Variants in EYS observed in about 807,000 individuals in gnomAD.
The protein encoded by EYS is protein eyes shut homolog.
In EYS, 250 loss-of-function variants were observed where a neutral mutation model predicts 282.1. The observed-to-expected ratio is 0.89, with a 90% CI of 0.80 to 0.98. The LOEUF (loss-of-function observed/expected upper bound fraction) is 0.98. Ranked by LOEUF, EYS falls within the 50% of genes least tolerant of loss-of-function variation. The pLI is 0.00. For synonymous variants in EYS, 1,355 were observed against 1,282.9 expected (o/e 1.06, Z -1.20); for missense variants, 4,016 against 3,709.0 (o/e 1.08, Z -2.15).
chr6:64,581,034 G>A (rs1420729038), intron 26 of EYS, among the ~76,000 whole-genome samples: 1 of 152,070 alleles, frequency 6.6e-6, no homozygotes, highest in Non-Finnish European at 1.5e-5. Flanking sequence ...AGTATTGAGA[G>A]ACTTACAGGT....
chr6:64,993,433 T>C (rs1320708265), intron 14 of EYS, among the ~76,000 whole-genome samples: 1 of 151,502 alleles, frequency 6.6e-6, no homozygotes, highest in Non-Finnish European at 1.5e-5. Flanking sequence ...TGTAGGAACA[T>C]GGATGAAGCT....
At chr6:64,295,320 CGAA>C (rs1296041123) in intron 30 of EYS, among the ~76,000 whole-genome samples, 570 of 17,572 alleles carry the variant, frequency 0.032, 188 homozygotes, top group Non-Finnish European at 0.053. Flanking sequence ...TACCCTAAAA[CGAA>C]GAAGAAGGAA....
chr6:63,849,168 A>G (rs879063187), intron 36 of EYS, among the ~76,000 whole-genome samples: 1 of 152,200 alleles, frequency 6.6e-6, no homozygotes, highest in South Asian at 2.1e-4. Context: ...CATCTTTGAA[A>G]GAAAGGCAGC....
chr6:63,790,167 T>A (rs760583272), intron 37 of EYS, among the ~76,000 whole-genome samples: 1 of 152,198 alleles, frequency 6.6e-6, no homozygotes, highest in Non-Finnish European at 1.5e-5. Flanking sequence ...AATTGAGTCC[T>A]TGACATAGAA....
intron 12 of EYS, among the ~76,000 whole-genome samples, chr6:65,117,976 C>T (rs146224082): frequency 1.6e-4 from 24 of 152,106 alleles, no homozygotes; most frequent in African/African-American, 5.8e-4. Context: ...AAAACTTGAA[C>T]CAGATACTTA....
chr6:65,627,427 A>G (rs9453347), intron 2 of EYS, among the ~76,000 whole-genome samples: 143,410 of 152,200 alleles, frequency 0.94, 67,838 homozygotes, highest in Non-Finnish European at 0.99. Context: ...CACTTTGGCG[A>G]CACTTGAGGA....
At chr6:64,027,660 A>G (rs533465190) in intron 33 of EYS, among the ~76,000 whole-genome samples, 7 of 152,212 alleles carry the variant, frequency 4.6e-5, no homozygotes, top group African/African-American at 7.2e-5. Flanking sequence ...AGTGTGGTTT[A>G]CTAGGACACT....
intron 26 of EYS, among the ~76,000 whole-genome samples, chr6:64,495,978 C>T (rs1276731460): frequency 4.0e-5 from 6 of 151,766 alleles, no homozygotes; most frequent in Admixed American, 1.3e-4. Context: ...AAAATTTACT[C>T]TTCTTAACAT....
chr6:64,593,016 A>G, intron 25 of EYS, 101 bp downstream of exon 25: 1 of 774,396 alleles, frequency 1.3e-6, no homozygotes, highest in Non-Finnish European at 1.8e-6. Context: ...AAAATCATGT[A>G]TCTCAGAAAA....
intron 2 of EYS, among the ~76,000 whole-genome samples, chr6:65,630,071 CAAGG>C (rs968291705): frequency 6.2e-4 from 94 of 152,310 alleles, no homozygotes; most frequent in African/African-American, 2.2e-3. Context: ...AGGGTCTAAT[CAAGG>C]AATACACTTC....
intron 35 of EYS, among the ~76,000 whole-genome samples, chr6:63,871,070 T>C (rs1052580668): frequency 6.6e-6 from 1 of 152,198 alleles, no homozygotes; most frequent in Non-Finnish European, 1.5e-5. Flanking sequence ...CTTCCAGCAC[T>C]TATTCTCCAT....
intron 12 of EYS, 35 bp downstream of exon 12, chr6:65,295,828 A>G (rs1024593043): frequency 2.0e-6 from 3 of 1,465,448 alleles, no homozygotes; most frequent in Non-Finnish European, 2.7e-6. Flanking sequence ...ATTATTTACT[A>G]GAAAATTTAA....
intron 22 of EYS, among the ~76,000 whole-genome samples, chr6:64,744,913 A>G (rs1175127847): frequency 1.3e-5 from 2 of 152,160 alleles, no homozygotes; most frequent in Non-Finnish European, 2.9e-5. Flanking sequence ...AGTATTGCCA[A>G]ATTATTTGAA....
At chr6:65,502,780 T>A (rs1356914014) in intron 2 of EYS, among the ~76,000 whole-genome samples, 1 of 151,650 alleles carries the variant, frequency 6.6e-6, no homozygotes, top group Non-Finnish European at 1.5e-5. Context: ...TCATCTGATT[T>A]CTTTTCCATT....
intron 15 of EYS, among the ~76,000 whole-genome samples, chr6:64,915,504 ATTG>A (rs1194232521): frequency 2.0e-5 from 3 of 152,144 alleles, no homozygotes; most frequent in Admixed American, 6.5e-5. Flanking sequence ...ATCTCAGAGA[ATTG>A]TTGTAAAGAT....
intron 21 of EYS, chr6:64,815,119 G>T: frequency 3.0e-6 from 1 of 331,232 alleles, no homozygotes; most frequent in Non-Finnish European, 6.0e-6. Context: ...TTCCAGTCAT[G>T]CCTGGAACTT....
rs117382076 is a variant in EYS at position 65,108,886 on chromosome 6, T to C, written c.2024-51159A>G. Among the ~76,000 whole-genome samples, 8 of 152,216 alleles carry C rather than the reference T, an allele frequency of 5.3e-5. No individual in the cohort carries two copies. The East Asian group carries it at 1.5e-3, about 29-fold the overall frequency. On this transcript the variant is annotated intron_variant, in intron 12 of 42. Coordinates refer to ENST00000503581, the MANE Select transcript of EYS (RefSeq NM_001142800.2). ...ATCAGTGTTTTTTTTCTTTTCAATA[T>C]TTATTCTTTCTGTTCTTCACCTTGG...
At chr6:65,704,475 T>C (rs1769801382) in intron 1 of EYS, among the ~76,000 whole-genome samples, 1 of 152,218 alleles carries the variant, frequency 6.6e-6, no homozygotes, top group African/African-American at 2.4e-5. Flanking sequence ...CAGTTACAAT[T>C]ATAATTCAGG....
intron 29 of EYS, among the ~76,000 whole-genome samples, chr6:64,331,591 T>C (rs1308564834): frequency 1.5e-5 from 1 of 66,298 alleles, no homozygotes; most frequent in East Asian, 2.9e-4. Flanking sequence ...CGCCTTCCAA[T>C]AGCCCCCCCG....
Sources: gnomAD v4.1 joint callset for allele counts (sites outside exome capture counted in the v4.1 genomes callset) on GRCh38, gnomAD v4.1.1 for gene constraint, MANE v1.5 for transcripts, NCBI Gene and HGNC (gene_info 2026-07-23, HGNC 2026-07-21) for gene names.